LRRTM4: variants seen among roughly 807,000 people sequenced by gnomAD.
LRRTM4 encodes leucine-rich repeat transmembrane neuronal protein 4.
LRRTM4 carries 25 observed loss-of-function variants against 47.6 expected under a neutral mutation model. That is an observed-to-expected ratio of 0.53 (90% CI 0.38 to 0.73). The LOEUF (loss-of-function observed/expected upper bound fraction) is 0.73, where lower values mean the gene tolerates loss of function less well. Among genes scored for constraint, LRRTM4 ranks in the 30% least tolerant of loss-of-function variants. The pLI is 0.00. For missense variants in LRRTM4, 638 were observed against 713.4 expected, an observed-to-expected ratio of 0.89 and a Z score of 1.20; for synonymous variants, 311 against 269.5, an observed-to-expected ratio of 1.15 and a Z score of -1.51.
At chr2:76,844,108 AG>A (rs1433312740) in intron 3 of LRRTM4, among the ~76,000 whole-genome samples, 1 of 150,710 alleles carries the variant, frequency 6.6e-6, no homozygotes, top group Non-Finnish European at 1.5e-5. Flanking sequence ...TCACCATGTT[AG>A]CCAGGATGGT....
chr2:77,504,376 G>A (rs1013872414), intron 3 of LRRTM4, among the ~76,000 whole-genome samples: 6 of 151,458 alleles, frequency 4.0e-5, no homozygotes, highest in African/African-American at 1.5e-4. Context: ...GCTGCCCTCT[G>A]ATCCAGATAA....
At chr2:77,349,667 A>G (rs1208490087) in intron 3 of LRRTM4, among the ~76,000 whole-genome samples, 1 of 152,128 alleles carries the variant, frequency 6.6e-6, no homozygotes, top group Admixed American at 6.5e-5. Flanking sequence ...GTTTTATCAG[A>G]CATTAGAAAA....
intron 3 of LRRTM4, among the ~76,000 whole-genome samples, chr2:77,306,755 G>A (rs1677283769): frequency 6.6e-6 from 1 of 151,810 alleles, no homozygotes; most frequent in Non-Finnish European, 1.5e-5. Context: ...AGTTTATAAA[G>A]TAATGAAATA....
intron 3 of LRRTM4, among the ~76,000 whole-genome samples, chr2:76,908,796 G>C (rs1357595942): frequency 6.6e-6 from 1 of 151,862 alleles, no homozygotes; most frequent in Non-Finnish European, 1.5e-5. Context: ...GGGATGTGAA[G>C]GACCTCTTCC....
At chr2:76,807,904 T>C (rs1037681297) in intron 3 of LRRTM4, among the ~76,000 whole-genome samples, 3 of 143,436 alleles carry the variant, frequency 2.1e-5, no homozygotes, top group Admixed American at 1.4e-4. Flanking sequence ...TCTTTACTTT[T>C]CTTTCTTTTC....
intron 3 of LRRTM4, among the ~76,000 whole-genome samples, chr2:77,083,798 T>TTG (rs1558569803): frequency 4.9e-4 from 49 of 99,960 alleles, no homozygotes; most frequent in African/African-American, 1.8e-3. Context: ...TTTTTTTTTT[T>TTG]TTTTTTTTTT....
intron 3 of LRRTM4, among the ~76,000 whole-genome samples, chr2:77,166,403 GTCA>G (rs1672886951): frequency 6.6e-6 from 1 of 152,146 alleles, no homozygotes; most frequent in Non-Finnish European, 1.5e-5. Flanking sequence ...TAGATTCAAT[GTCA>G]TCCCCATCAA....
rs1157669495 is a variant in LRRTM4 at position 76,936,913 on chromosome 2, T to TCACTG, written c.1552-188002_1552-187998dup. Reference sequence around the variant, plus strand: ...GAAGTTGCAGTGAGCCGAGATGGCATCACTGCACTCCAGCCTGGGCGACAG... The same window carrying TCACTG: ...GAAGTTGCAGTGAGCCGAGATGGCATCACTGCACTGCACTCCAGCCTGGGCGACAG... On this transcript the variant is annotated intron_variant, in intron 3 of 3. Transcript: ENST00000409884. 3.5e-5 allele frequency among the ~76,000 whole-genome samples: 4 copies of TCACTG among 113,860 alleles called. No individual in the cohort carries two copies. In the East Asian group the frequency reaches 1.2e-3, roughly 34 times the overall value. 74.7% of individuals were successfully genotyped at this position (113,860 alleles called of 152,430 possible).
rs1679572223 is a variant in LRRTM4 at position 77,055,491 on chromosome 2, T to TACCA, written c.1552-306579_1552-306576dup. The stretch of plus-strand genomic sequence containing the variant: ...AATGCAAATCAAAACCACCATGAGA[T>TACCA]ACCATCTCACACCAGTTAGAATGGC... On this transcript the variant is annotated intron_variant, in intron 3 of 3. Transcript: ENST00000409884. Among the ~76,000 whole-genome samples, 4 of 152,294 alleles carry TACCA rather than the reference T, an allele frequency of 2.6e-5. No individual in the cohort carries two copies. In the South Asian group the frequency reaches 8.3e-4, roughly 32 times the overall value.
At chr2:77,041,768 T>C (rs989907987) in intron 3 of LRRTM4, among the ~76,000 whole-genome samples, 2 of 117,162 alleles carry the variant, frequency 1.7e-5, no homozygotes, top group South Asian at 2.5e-4. Context: ...AGTGAATTGT[T>C]TGAGTTTTTA....
chr2:77,181,341 G>A (rs1673341770), intron 3 of LRRTM4, among the ~76,000 whole-genome samples: 1 of 152,140 alleles, frequency 6.6e-6, no homozygotes, highest in Admixed American at 6.6e-5. Context: ...GCAAATCTCA[G>A]TATCACTAAA....
chr2:76,962,028 C>G (rs1675877291), intron 3 of LRRTM4, among the ~76,000 whole-genome samples: 1 of 151,082 alleles, frequency 6.6e-6, no homozygotes, highest in African/African-American at 2.4e-5. Flanking sequence ...TGGAGATAAC[C>G]AGAGCATGCT....
intron 3 of LRRTM4, among the ~76,000 whole-genome samples, chr2:77,411,183 G>A (rs1336307896): frequency 1.3e-5 from 2 of 151,940 alleles, no homozygotes; most frequent in Non-Finnish European, 2.9e-5. Flanking sequence ...CCGTACCTTC[G>A]CCTGGTCCCT....
At chr2:76,972,411 ACTTT>A (rs1412251968) in intron 3 of LRRTM4, among the ~76,000 whole-genome samples, 2 of 114,598 alleles carry the variant, frequency 1.7e-5, no homozygotes, top group African/African-American at 6.9e-5. Context: ...TTCATTGAAC[ACTTT>A]TTTTTTTTTT....
At chr2:77,299,319 ATATG>A in intron 3 of LRRTM4, among the ~76,000 whole-genome samples, 1 of 151,230 alleles carries the variant, frequency 6.6e-6, no homozygotes, top group South Asian at 2.1e-4. Flanking sequence ...ATATACATAT[ATATG>A]TGTGTATATA....
In LRRTM4 at chr2:76,943,028, A is replaced by C. The variant is rs144406907; in HGVS notation, c.1552-194112T>G. On this transcript the variant is annotated intron_variant, in intron 3 of 3. Coordinates refer to ENST00000409884, the MANE Select transcript of LRRTM4 (RefSeq NM_001134745.3). ...AGAGCAACATGATTTTGAGAATCATAAATAAATCAGGGACATTATGAAATA... is the reference window on the plus strand; with the variant it reads ...AGAGCAACATGATTTTGAGAATCATCAATAAATCAGGGACATTATGAAATA... Among the ~76,000 whole-genome samples, 1,082 of 152,298 alleles carry C rather than the reference A, an allele frequency of 7.1e-3. 36 individuals carry two copies. The highest frequency in any genetic ancestry group is 0.049 in the Admixed American group (745 of 15,290).
rs368287756 is a variant in LRRTM4 at position 77,361,619 on chromosome 2, C to T, written c.1551+156699G>A. 7.0e-4 allele frequency among the ~76,000 whole-genome samples: 107 copies of T among 152,202 alleles called. 1 individual carries two copies. The highest frequency in any genetic ancestry group is 1.7e-3 in the South Asian group (8 of 4,826). The stretch of plus-strand genomic sequence containing the variant: ...TCTAAAAAACATGTCCTTTATCTTC[C>T]CCGTGAAATAACTATGCCTGGTATA... On this transcript the variant is annotated intron_variant, in intron 3 of 3. Coordinates refer to ENST00000409884, the MANE Select transcript of LRRTM4 (RefSeq NM_001134745.3).
chr2:76,927,331 T>G (rs369984991), intron 3 of LRRTM4, among the ~76,000 whole-genome samples: 1 of 152,220 alleles, frequency 6.6e-6, no homozygotes, highest in Non-Finnish European at 1.5e-5. Flanking sequence ...TCCTTATGAG[T>G]TTTAGACCTT....
intron 3 of LRRTM4, among the ~76,000 whole-genome samples, chr2:77,133,815 G>A (rs534547041): frequency 7.2e-5 from 11 of 152,252 alleles, no homozygotes; most frequent in South Asian, 2.1e-4. Context: ...ATGAGTTTCC[G>A]CAGTCAGTTG....
Sources: gnomAD v4.1 joint callset for allele counts (sites outside exome capture counted in the v4.1 genomes callset) on GRCh38, gnomAD v4.1.1 for gene constraint, MANE v1.5 for transcripts, NCBI Gene and HGNC (gene_info 2026-07-23, HGNC 2026-07-21) for gene names.